COL4A2: variants seen among roughly 807,000 people sequenced by gnomAD.
COL4A2 encodes the protein collagen alpha-2(IV) chain.
COL4A2 carries 99 observed loss-of-function variants against 200.2 expected under a neutral mutation model. The observed-to-expected ratio is 0.49, with a 90% confidence interval of 0.42 to 0.58. COL4A2 has a LOEUF of 0.58. COL4A2 is among the 20% of genes least tolerant of loss of function. The pLI is 0.00. For synonymous variants in COL4A2, 897 were observed against 900.6 expected (o/e 1.00, Z 0.07); for missense variants, 1,950 against 2,314.1 (o/e 0.84, Z 3.23).
chr13:110,336,617 G>A (rs1876204166), intron 3 of COL4A2, among the ~76,000 whole-genome samples: 1 of 152,154 alleles, frequency 6.6e-6, no homozygotes, highest in East Asian at 1.9e-4. Context: ...GGGAAAGGGG[G>A]TCCCTTTTTA....
intron 4 of COL4A2, among the ~76,000 whole-genome samples, chr13:110,372,116 A>G (rs964596805): frequency 2.0e-5 from 3 of 152,182 alleles, no homozygotes; most frequent in African/African-American, 4.8e-5. Flanking sequence ...TAACTGAAGC[A>G]TGAACAACTG....
At chr13:110,374,099 G>A (rs1334932716) in intron 4 of COL4A2, among the ~76,000 whole-genome samples, 1 of 152,186 alleles carries the variant, frequency 6.6e-6, no homozygotes, top group Non-Finnish European at 1.5e-5. Flanking sequence ...AGAGGAAAAA[G>A]GAGAAAACGA....
At chr13:110,442,115 A>AAAG (rs149076364) in intron 16 of COL4A2, among the ~76,000 whole-genome samples, 1 of 145,992 alleles carries the variant, frequency 6.8e-6, no homozygotes, top group Non-Finnish European at 1.5e-5. Flanking sequence ...AAAAAAAAAA[A>AAAG]GGGCAGTTCC....
chr13:110,438,888 T>C (rs1342579727), intron 15 of COL4A2, among the ~76,000 whole-genome samples: 1 of 144,054 alleles, frequency 6.9e-6, no homozygotes, highest in Non-Finnish European at 1.5e-5. Context: ...TGAACCATCT[T>C]GACACACCGT....
chr13:110,410,921 C>T (rs1386194530), intron 4 of COL4A2, among the ~76,000 whole-genome samples: 1 of 152,194 alleles, frequency 6.6e-6, no homozygotes, highest in Non-Finnish European at 1.5e-5. Flanking sequence ...TCACGTGAAT[C>T]TGTGTTTAAC....
intron 20 of COL4A2, among the ~76,000 whole-genome samples, chr13:110,451,817 A>G (rs4548728): frequency 0.61 from 93,117 of 152,108 alleles, 28,577 homozygotes; most frequent in East Asian, 0.67. Context: ...TCTTCTTCCA[A>G]TGTGGCCCAG....
intron 12 of COL4A2, among the ~76,000 whole-genome samples, chr13:110,435,708 G>T (rs1394954558): frequency 1.3e-5 from 2 of 152,230 alleles, no homozygotes; most frequent in Non-Finnish European, 2.9e-5. Flanking sequence ...TAACGGTCCA[G>T]TAATGTTCTA....
In COL4A2 at chr13:110,508,400, C is replaced by T; in HGVS notation, c.4881+179C>T. 1 of 976,378 alleles carries T rather than the reference C, an allele frequency of 1.0e-6. No homozygotes were observed. The highest frequency in any genetic ancestry group is 1.5e-6 in the Non-Finnish European group (1 of 673,786). 60.5% of individuals were successfully genotyped at this position (976,378 alleles called of 1,614,324 possible). A position where few individuals can be genotyped will look rare whatever the true frequency, so the allele number is the denominator to read the frequency against. On this transcript the variant is annotated intron_variant, in intron 47 of 47. Transcript: ENST00000360467. The surrounding 1 kb of genome is among the most constrained non-coding windows in gnomAD (Gnocchi z 6.1). ...AGCTTACACTTGGCTAACTGAGCCA[C>T]ATGCTGGGCACAGGGCTTCCTCCAC... is the stretch of plus-strand genomic sequence containing the variant.
chr13:110,418,079 T>C (rs1880113169), intron 4 of COL4A2, among the ~76,000 whole-genome samples: 1 of 152,228 alleles, frequency 6.6e-6, no homozygotes, highest in African/African-American at 2.4e-5. Context: ...TGTTCACCAT[T>C]TGAGTCCATC....
chr13:110,435,816 T>C (rs1016612767), intron 12 of COL4A2, among the ~76,000 whole-genome samples: 9 of 152,090 alleles, frequency 5.9e-5, no homozygotes, highest in African/African-American at 2.2e-4. Flanking sequence ...TATAGTTACT[T>C]AAGATTTTTT....
chr13:110,369,211 G>GTAAATAAATAAATAAA (rs71127935), intron 4 of COL4A2, among the ~76,000 whole-genome samples: 74 of 150,446 alleles, frequency 4.9e-4, no homozygotes, highest in African/African-American at 1.6e-3. Context: ...CTCTGTCTCA[G>GTAAATAAATAAATAAA]TAAATAAATA....
intron 25 of COL4A2, among the ~76,000 whole-genome samples, 178 bp from the exon 26 acceptor site, chr13:110,465,825 C>G (rs1882217811): frequency 6.6e-6 from 1 of 152,196 alleles, no homozygotes; most frequent in African/African-American, 2.4e-5. Context: ...ACTACAGTGA[C>G]AGAGGCCTTG....
At chr13:110,324,627 A>T (rs1181359623) in intron 3 of COL4A2, among the ~76,000 whole-genome samples, 5 of 152,064 alleles carry the variant, frequency 3.3e-5, no homozygotes, top group Non-Finnish European at 4.4e-5. Context: ...GGCTCCTGGG[A>T]CTCTGCATTC....
intron 47 of COL4A2, among the ~76,000 whole-genome samples, chr13:110,510,781 G>A (rs1056771547): frequency 1.3e-5 from 2 of 152,210 alleles, no homozygotes; most frequent in Non-Finnish European, 2.9e-5. Context: ...TTCTGACCTC[G>A]TTCTGGGAGT....
chr13:110,439,771 G>A lies in COL4A2; in HGVS notation c.913-18G>A. 6.2e-7 allele frequency: 1 copy of A among 1,613,826 alleles called. No homozygotes were observed. The highest frequency in any genetic ancestry group is 1.1e-5 in the South Asian group (1 of 91,000). ...TGCATATTCTGAGCTGTTTGCTTCT[G>A]TTTTTTGTTCATTCCAGGGTTACCC... On this transcript the variant is annotated intron_variant, in intron 15 of 47. Transcript: ENST00000360467.
At chr13:110,397,309 G>A (rs986624579) in intron 4 of COL4A2, among the ~76,000 whole-genome samples, 5 of 152,206 alleles carry the variant, frequency 3.3e-5, no homozygotes, top group Non-Finnish European at 5.9e-5. Flanking sequence ...CCCCGGAACC[G>A]AAGAACCCCT....
rs548054283 is a variant in COL4A2 at position 110,334,272 on chromosome 13, G to GGTTT, written c.100-23192_100-23189dup. On this transcript the variant is annotated intron_variant, in intron 3 of 47. Transcript: ENST00000360467. ...CTGACCCAGCTTTGGAACTCTGCTT[G>GGTTT]GTTTGTTTGTTCGTTCCTTTGTTTA... Among the ~76,000 whole-genome samples the GGTTT allele has an allele frequency of 3.7e-4, 57 of 152,338 alleles. No individual in the cohort carries two copies. The South Asian group carries it at 0.011, about 30-fold the overall frequency.
At chr13:110,308,534 G>C (rs1362136581) in intron 3 of COL4A2, among the ~76,000 whole-genome samples, 1 of 152,198 alleles carries the variant, frequency 6.6e-6, no homozygotes, top group Non-Finnish European at 1.5e-5. Context: ...GTCACGGACT[G>C]AGGGTTTTTT....
intron 47 of COL4A2, among the ~76,000 whole-genome samples, 165 bp from the exon 48 acceptor site, chr13:110,511,769 G>GC (rs1884088795): frequency 6.6e-6 from 1 of 152,228 alleles, no homozygotes; most frequent in Admixed American, 6.5e-5. Flanking sequence ...TATTTCACCA[G>GC]CCCCCTCTTG....
Sources: allele counts gnomAD v4.1 joint callset (sites outside exome capture counted in the v4.1 genomes callset), GRCh38; gene constraint gnomAD v4.1.1; non-coding constraint Gnocchi (gnomAD v3.1); transcripts MANE v1.5; gene names NCBI Gene and HGNC (gene_info 2026-07-23, HGNC 2026-07-21).